The following IGF2BP3 variants were observed in gnomAD, a reference collection of about 807,000 sequenced individuals.
IGF2BP3 encodes insulin-like growth factor 2 mRNA-binding protein 3.
In IGF2BP3, 9 loss-of-function variants were observed where a neutral mutation model predicts 73.8. The ratio of observed to expected loss-of-function variants is 0.12; its 90% CI spans 0.07 to 0.21. The LOEUF is 0.21. Ranked by LOEUF, IGF2BP3 falls within the 10% of genes least tolerant of loss-of-function variation. The probability of loss-of-function intolerance (pLI) is 1.00; values close to 1 mark genes in which losing one functional copy is unlikely to be tolerated. For synonymous variants in IGF2BP3, 258 were observed against 256.7 expected (o/e 1.01, Z -0.05); for missense variants, 542 against 714.0 (o/e 0.76, Z 2.75).
chr7:23,435,056 G>C (rs1179158659), intron 2 of IGF2BP3, among the ~76,000 whole-genome samples: 1 of 151,940 alleles, frequency 6.6e-6, no homozygotes. Flanking sequence ...AGCACTTTGA[G>C]AGGCCGAGGC....
intron 5 of IGF2BP3, 145 bp from the exon 6 acceptor site, chr7:23,351,731 C>G: frequency 1.3e-6 from 1 of 772,216 alleles, no homozygotes; most frequent in Non-Finnish European, 2.0e-6. Context: ...AAACCCGCAA[C>G]ACACATAATC....
intron 2 of IGF2BP3, among the ~76,000 whole-genome samples, chr7:23,460,297 G>A (rs185478840): frequency 1.1e-3 from 164 of 151,904 alleles, no homozygotes; most frequent in African/African-American, 3.9e-3. Flanking sequence ...GGAGGCTGAG[G>A]TGGGCAGATT....
intron 2 of IGF2BP3, among the ~76,000 whole-genome samples, chr7:23,440,418 A>T (rs1787904841): frequency 6.6e-6 from 1 of 152,216 alleles, no homozygotes; most frequent in Admixed American, 6.5e-5. Context: ...CCTGGGCAAC[A>T]GAGAGAGACT....
At position 23,347,518 on chromosome 7, in the gene IGF2BP3, T is replaced by C; in HGVS notation, c.818+82A>G. 9 of 1,467,664 alleles carry C rather than the reference T, an allele frequency of 6.1e-6. No homozygotes were observed. The South Asian group carries it at 1.1e-4, about 19-fold the overall frequency. The allele number at this position is 1,467,664 out of a possible 1,614,324, so 90.9% of individuals were successfully genotyped here. A position where few individuals can be genotyped will look rare whatever the true frequency, so the allele number is the denominator to read the frequency against. On this transcript the variant is annotated intron_variant, in intron 7 of 14. Transcript: ENST00000258729. ...ATCATTTCCCTCTGTTTGTTGGCAA[T>C]TCCCAAGAATTGTGTCAGAGATGTC...
At chr7:23,360,184 T>G (rs1346952475) in intron 5 of IGF2BP3, among the ~76,000 whole-genome samples, 4 of 152,068 alleles carry the variant, frequency 2.6e-5, no homozygotes, top group Non-Finnish European at 5.9e-5. Flanking sequence ...CAATTTAAAG[T>G]GCAGTTCTAC....
In IGF2BP3 at chr7:23,469,928, G is replaced by GGGCCCGCCT; in HGVS notation, c.175+7_175+8insAGGCGGGCC. On this transcript the variant is annotated splice_region_variant and intron_variant, in intron 1 of 14. Transcript: ENST00000258729. This position sits in a 1 kb window ranked among gnomAD's most constrained non-coding sequence, Gnocchi z 6.1. ...CGAGAGCCCGGGTGGGGCCAGGCCC[G>GGGCCCGCCT]GGCCCACCTGAAAGCGCCTCGATGG... The GGGCCCGCCT allele has an allele frequency of 6.2e-7, 1 of 1,604,624 alleles. No homozygotes were observed. Among genetic ancestry groups the GGGCCCGCCT allele is most frequent in the Non-Finnish European group, 8.5e-7 (1 of 1,176,626 alleles).
intron 8 of IGF2BP3, among the ~76,000 whole-genome samples, 184 bp downstream of exon 8, chr7:23,345,756 C>G (rs1183010445): frequency 6.6e-6 from 1 of 152,210 alleles, no homozygotes; most frequent in Non-Finnish European, 1.5e-5. Flanking sequence ...CTGCCAGAAG[C>G]AGATAATGCT....
chr7:23,450,933 A>T (rs1415668173), intron 2 of IGF2BP3, among the ~76,000 whole-genome samples: 1 of 152,216 alleles, frequency 6.6e-6, no homozygotes, highest in Admixed American at 6.5e-5. Flanking sequence ...TTGATGTAGC[A>T]CCAAAGAATA....
intron 2 of IGF2BP3, among the ~76,000 whole-genome samples, chr7:23,441,341 G>A (rs1025613178): frequency 1.3e-5 from 2 of 152,170 alleles, no homozygotes; most frequent in East Asian, 1.9e-4. Flanking sequence ...TTGGGAGGCC[G>A]AGGTGGACGG....
intron 3 of IGF2BP3, among the ~76,000 whole-genome samples, chr7:23,396,074 TA>T (rs1329326407): frequency 6.8e-6 from 1 of 147,118 alleles, no homozygotes; most frequent in Admixed American, 6.8e-5. Flanking sequence ...AATAACCCAT[TA>T]CAGAGTTGAA....
Position 23,434,725 on chromosome 7 carries a change from C to T in IGF2BP3, c.237-15901G>A, listed in dbSNP as rs776777142. Among the ~76,000 whole-genome samples, 22 of 152,270 alleles carry T rather than the reference C, an allele frequency of 1.4e-4. No individual in the cohort carries two copies. In the East Asian group the frequency reaches 2.5e-3, roughly 17 times the overall value. ...AAAACACAATGCAAATGCAATGCTA[C>T]GTTACCAGTCTCCAATAGCAGCAAA... On this transcript the variant is annotated intron_variant, in intron 2 of 14. Transcript: ENST00000258729.
At chr7:23,371,926 C>T (rs1785560662) in intron 3 of IGF2BP3, among the ~76,000 whole-genome samples, 1 of 152,166 alleles carries the variant, frequency 6.6e-6, no homozygotes. Flanking sequence ...ACACTGAAGT[C>T]ACAGTGGAAA....
intron 3 of IGF2BP3, among the ~76,000 whole-genome samples, chr7:23,376,021 C>T (rs957785214): frequency 1.3e-5 from 2 of 152,182 alleles, no homozygotes; most frequent in African/African-American, 4.8e-5. Context: ...AACATCCCAT[C>T]AATAGGTGCA....
intron 2 of IGF2BP3, among the ~76,000 whole-genome samples, chr7:23,435,600 C>G (rs545990893): frequency 7.2e-5 from 11 of 151,766 alleles, no homozygotes; most frequent in Admixed American, 7.2e-4. Flanking sequence ...GGATTACAGG[C>G]GCCCACCACC....
chr7:23,339,014 T>C (rs1000222574), intron 10 of IGF2BP3, among the ~76,000 whole-genome samples: 2 of 152,268 alleles, frequency 1.3e-5, no homozygotes, highest in African/African-American at 4.8e-5. Context: ...CATGTTGTTG[T>C]ATTCCTTTAA....
intron 3 of IGF2BP3, among the ~76,000 whole-genome samples, chr7:23,390,250 A>C (rs936375467): frequency 1.3e-5 from 2 of 152,198 alleles, no homozygotes; most frequent in Non-Finnish European, 2.9e-5. Context: ...CCTGCATAGA[A>C]GTATGAAAGG....
intron 2 of IGF2BP3, among the ~76,000 whole-genome samples, chr7:23,423,626 T>G (rs1388606611): frequency 1.3e-5 from 2 of 152,134 alleles, no homozygotes; most frequent in Non-Finnish European, 2.9e-5. Flanking sequence ...CTGATAAGCA[T>G]TCAATTGATA....
At chr7:23,322,753 TG>T (rs1230633873) in intron 10 of IGF2BP3, among the ~76,000 whole-genome samples, 1 of 151,772 alleles carries the variant, frequency 6.6e-6, no homozygotes, top group Non-Finnish European at 1.5e-5. Context: ...CAGAAGAGAG[TG>T]GGGGCCGATA....
intron 2 of IGF2BP3, among the ~76,000 whole-genome samples, chr7:23,421,381 T>G (rs1434476820): frequency 6.6e-6 from 1 of 152,072 alleles, no homozygotes; most frequent in Non-Finnish European, 1.5e-5. Flanking sequence ...TCACAACTGT[T>G]ATATGTTGCT....
Sources: gnomAD v4.1 joint callset for allele counts (sites outside exome capture counted in the v4.1 genomes callset) on GRCh38, gnomAD v4.1.1 for gene constraint, Gnocchi (gnomAD v3.1) non-coding constraint, MANE v1.5 for transcripts, NCBI Gene and HGNC (gene_info 2026-07-23, HGNC 2026-07-21) for gene names.